Variants in NSD1 observed in about 807,000 individuals in gnomAD.
NSD1 encodes the protein nuclear receptor binding SET domain protein 1.
In NSD1, 26 loss-of-function variants were observed where a neutral mutation model predicts 242.7. The ratio of observed to expected loss-of-function variants is 0.11; its 90% confidence interval spans 0.08 to 0.15. The LOEUF (loss-of-function observed/expected upper bound fraction) is 0.15, where lower values mean the gene tolerates loss of function less well. Ranked by LOEUF, NSD1 falls within the 10% of genes least tolerant of loss-of-function variation. The pLI is 1.00. For synonymous variants in NSD1, 1,106 were observed against 1,178.1 expected, an observed-to-expected ratio of 0.94 and a Z score of 1.25; for missense variants, 2,495 against 3,272.8, an observed-to-expected ratio of 0.76 and a Z score of 5.80.
intron 5 of NSD1, among the ~76,000 whole-genome samples, chr5:177,213,975 T>A (rs1763566614): frequency 6.6e-6 from 1 of 152,120 alleles, no homozygotes; most frequent in African/African-American, 2.4e-5. Flanking sequence ...TGTACCTTTT[T>A]TGGTTTTTTT....
At chr5:177,159,351 C>T (rs1326058511) in intron 2 of NSD1, among the ~76,000 whole-genome samples, 1 of 151,230 alleles carries the variant, frequency 6.6e-6, no homozygotes, top group East Asian at 1.9e-4. Context: ...GTGGCAGTAT[C>T]TTGGCTCCCT....
chr5:177,186,034 T>TTA (rs1156233043), intron 2 of NSD1, among the ~76,000 whole-genome samples: 4 of 103,076 alleles, frequency 3.9e-5, no homozygotes, highest in South Asian at 2.7e-4. Flanking sequence ...TATATATTTT[T>TTA]TATATATATA....
At chr5:177,175,111 TC>T in intron 2 of NSD1, among the ~76,000 whole-genome samples, 1 of 151,960 alleles carries the variant, frequency 6.6e-6, no homozygotes, top group Non-Finnish European at 1.5e-5. Context: ...GACCTCGTGA[TC>T]CACTCGCCTC....
chr5:177,229,784 C>G, intron 5 of NSD1: 1 of 400,368 alleles, frequency 2.5e-6, no homozygotes, highest in South Asian at 1.7e-5. Context: ...TGCTCTGTCA[C>G]CCAGGCTGGA....
At position 177,295,104 on chromosome 5, in the gene NSD1, AG is replaced by A; in HGVS notation, c.7738del (p.Ala2580ArgfsTer39). 1 of 1,612,074 alleles carries A rather than the reference AG, an allele frequency of 6.2e-7. No individual in the cohort carries two copies. Among genetic ancestry groups the A allele is most frequent in the Non-Finnish European group, 8.5e-7 (1 of 1,178,670 alleles). The stretch of plus-strand genomic sequence containing the variant: ...AGCCAATCCCCGGGCCTGGTGAAGC[AG>A]GCGAAGCAGATGGTCGGAGGCCAGC... ...PLSQSPGLVK[Q>X]AKQMVGGQQL... is the part of the protein sequence containing the mutation. On this transcript the variant is annotated frameshift_variant, in exon 23 of 23. Transcript: ENST00000439151. LOFTEE classifies it high-confidence loss of function. The surrounding 1 kb of genome is among the most constrained non-coding windows in gnomAD (Gnocchi z 4.3).
chr5:177,283,772 CT>C lies in NSD1; in HGVS notation c.6010-11del, dbSNP rs2127262765. The C allele has an allele frequency of 6.2e-7, 1 of 1,614,048 alleles. No homozygotes were observed. The highest frequency in any genetic ancestry group is 8.5e-7 in the Non-Finnish European group (1 of 1,179,946). ...TCTCAGGAAGTCTGATGTGTAGCTT[CT>C]TTTGGAATTCTAGGACCGAATCATT... On this transcript the variant is annotated splice_polypyrimidine_tract_variant and intron_variant, in intron 19 of 22. Coordinates refer to ENST00000439151, the MANE Select transcript of NSD1 (RefSeq NM_022455.5).
chr5:177,149,481 A>G (rs1186167505), intron 2 of NSD1, among the ~76,000 whole-genome samples: 3 of 152,074 alleles, frequency 2.0e-5, no homozygotes, highest in Admixed American at 6.6e-5. Flanking sequence ...CGGCCTCCCA[A>G]AGTGCTGGGA....
chr5:177,244,294 A>G (rs1766109680), intron 9 of NSD1, 24 bp downstream of exon 9: 1 of 1,528,212 alleles, frequency 6.5e-7, no homozygotes, highest in African/African-American at 1.4e-5. Flanking sequence ...AGATTTAAAA[A>G]ACGTAATGCA....
At chr5:177,137,276 A>G (rs187712701) in intron 2 of NSD1, 124 of 192,918 alleles carry the variant, frequency 6.4e-4, no homozygotes, top group Non-Finnish European at 4.7e-4. Context: ...TTGTTTGGTC[A>G]CCGCCGGTAA....
At chr5:177,180,280 A>G (rs1200889200) in intron 2 of NSD1, among the ~76,000 whole-genome samples, 2 of 151,896 alleles carry the variant, frequency 1.3e-5, no homozygotes, top group Non-Finnish European at 2.9e-5. Flanking sequence ...TATTTTTAGT[A>G]AAGACAGGGT....
chr5:177,192,732 T>C (rs1002743504), intron 3 of NSD1, among the ~76,000 whole-genome samples: 12 of 152,268 alleles, frequency 7.9e-5, no homozygotes, highest in African/African-American at 2.9e-4. Flanking sequence ...GGTTTCACCA[T>C]GTTGGCCAGG....
intron 2 of NSD1, chr5:177,137,123 T>C (rs1756403096): frequency 2.5e-6 from 1 of 402,528 alleles, no homozygotes; most frequent in East Asian, 3.6e-5. Flanking sequence ...GAAGAATTTC[T>C]TGACTTTCTA....
chr5:177,197,860 T>C (rs1762219500), intron 3 of NSD1, among the ~76,000 whole-genome samples: 4 of 152,014 alleles, frequency 2.6e-5, no homozygotes. Context: ...CACGAGTACC[T>C]TTTTTGTTGT....
intron 3 of NSD1, among the ~76,000 whole-genome samples, chr5:177,196,874 C>CT (rs1232082112): frequency 6.6e-6 from 1 of 152,104 alleles, no homozygotes; most frequent in Non-Finnish European, 1.5e-5. Context: ...GGGATATGTT[C>CT]TAAGATTCTC....
At chr5:177,221,845 C>T (rs1764263802) in intron 5 of NSD1, among the ~76,000 whole-genome samples, 1 of 144,068 alleles carries the variant, frequency 6.9e-6, no homozygotes, top group Non-Finnish European at 1.5e-5. Flanking sequence ...GTTTCATTCT[C>T]ATCGCCCAGG....
At chr5:177,159,671 C>T (rs1758573361) in intron 2 of NSD1, among the ~76,000 whole-genome samples, 1 of 150,328 alleles carries the variant, frequency 6.7e-6, no homozygotes, top group Admixed American at 6.7e-5. Flanking sequence ...TCTTGGCTAA[C>T]CGCAACCTCC....
At chr5:177,195,969 T>C (rs1250006824) in intron 3 of NSD1, among the ~76,000 whole-genome samples, 1 of 152,214 alleles carries the variant, frequency 6.6e-6, no homozygotes, top group African/African-American at 2.4e-5. Flanking sequence ...GCATTATTAC[T>C]TAACTGAGAA....
At chr5:177,283,005 G>A (rs143060515) in intron 19 of NSD1, among the ~76,000 whole-genome samples, 3,496 of 152,222 alleles carry the variant, frequency 0.023, 54 homozygotes, top group South Asian at 0.054. Context: ...CCAGGCTGGA[G>A]TACAGTGGCA....
chr5:177,248,020 T>C, intron 10 of NSD1, 161 bp from the exon 11 acceptor site: 3 of 985,394 alleles, frequency 3.0e-6, no homozygotes, highest in Non-Finnish European at 3.6e-6. Context: ...ACCCGCCCAA[T>C]CACAGCAGGG....
Sources: allele counts gnomAD v4.1 joint callset (sites outside exome capture counted in the v4.1 genomes callset), GRCh38; gene constraint gnomAD v4.1.1; non-coding constraint Gnocchi (gnomAD v3.1); transcripts MANE v1.5; gene names NCBI Gene and HGNC (gene_info 2026-07-23, HGNC 2026-07-21).